Variants in CFAP20DC observed in about 807,000 individuals in gnomAD.
CFAP20DC encodes the protein protein CFAP20DC.
A neutral mutation model predicts 101.7 loss-of-function variants in CFAP20DC; 84 were observed. That is an observed-to-expected ratio of 0.83 (90% confidence interval 0.69 to 0.99). The LOEUF (loss-of-function observed/expected upper bound fraction) is 0.99, where lower values mean the gene tolerates loss of function less well. Ranked by LOEUF, CFAP20DC falls within the 50% of genes least tolerant of loss-of-function variation. The pLI is 0.00. For missense variants in CFAP20DC, 1,007 were observed against 970.3 expected (o/e 1.04, Z -0.50); for synonymous variants, 359 against 351.2 (o/e 1.02, Z -0.25).
At chr3:58,997,406 G>A (rs1039627485) in intron 4 of CFAP20DC, among the ~76,000 whole-genome samples, 6 of 152,142 alleles carry the variant, frequency 3.9e-5, no homozygotes, top group Admixed American at 2.6e-4. Context: ...TTTGAAATCT[G>A]AATCCTCATG....
At chr3:58,904,110 A>G (rs1254757313) in intron 6 of CFAP20DC, among the ~76,000 whole-genome samples, 3 of 152,124 alleles carry the variant, frequency 2.0e-5, no homozygotes, top group Non-Finnish European at 4.4e-5. Context: ...TAATCCATGC[A>G]TGTGAGATGT....
At chr3:58,898,059 T>G (rs139972945) in intron 6 of CFAP20DC, among the ~76,000 whole-genome samples, 4 of 152,340 alleles carry the variant, frequency 2.6e-5, no homozygotes, top group East Asian at 1.9e-4. Context: ...CCATATTTCT[T>G]GGAGGTTTTG....
At chr3:58,921,492 T>TA (rs1192784438) in intron 5 of CFAP20DC, among the ~76,000 whole-genome samples, 1 of 152,194 alleles carries the variant, frequency 6.6e-6, no homozygotes, top group Non-Finnish European at 1.5e-5. Context: ...AATTTTTTTT[T>TA]ACATATAGAT....
chr3:58,903,709 ACTGCAGC>A (rs1476159896), intron 6 of CFAP20DC, among the ~76,000 whole-genome samples: 1 of 152,182 alleles, frequency 6.6e-6, no homozygotes, highest in East Asian at 1.9e-4. Flanking sequence ...CATGAGGGTA[ACTGCAGC>A]CATGATTCAA....
At position 58,729,996 on chromosome 3, in the gene CFAP20DC, C is replaced by A. The variant is rs1408537452; in HGVS notation, c.198-12368G>T. Among the ~76,000 whole-genome samples, 18 of 119,900 alleles carry A rather than the reference C, an allele frequency of 1.5e-4. No homozygotes were observed. The highest frequency in any genetic ancestry group is 4.9e-4 in the African/African-American group (15 of 30,378). The allele number at this position is 119,900 out of a possible 152,430, so 78.7% of individuals were successfully genotyped here. On this transcript the variant is annotated intron_variant, in intron 3 of 3. Coordinates refer to the CFAP20DC transcript ENST00000486145. This position sits in a 1 kb window ranked among gnomAD's most constrained non-coding sequence, Gnocchi z 4.4. ...TCACGCCATTGCATTCCAGCCTGGG[C>A]AATGAGAGCGAAACCTGTCTCCAAA...
Position 59,039,552 on chromosome 3 carries a change from C to G in CFAP20DC, c.278+5G>C. 1 of 1,499,412 alleles carries G rather than the reference C, an allele frequency of 6.7e-7. No homozygotes were observed. Among genetic ancestry groups the G allele is most frequent in the South Asian group, 1.2e-5 (1 of 82,420 alleles). The allele number at this position is 1,499,412 out of a possible 1,614,324, so 92.9% of individuals were successfully genotyped here. A position where few individuals can be genotyped will look rare whatever the true frequency, so the allele number is the denominator to read the frequency against. The stretch of plus-strand genomic sequence containing the variant: ...AAACATTCAAAGAAGTTCTGTATAT[C>G]TTACAGCAATTCAGTGGAGAAGTCT... On this transcript the variant is annotated splice_donor_5th_base_variant and intron_variant, in intron 4 of 16. Coordinates refer to ENST00000482387, the MANE Select transcript of CFAP20DC (RefSeq NM_001394063.1).
intron 4 of CFAP20DC, among the ~76,000 whole-genome samples, chr3:58,980,939 T>C (rs896427419): frequency 1.8e-4 from 28 of 152,310 alleles, no homozygotes; most frequent in Non-Finnish European, 3.4e-4. Context: ...GATGACATGA[T>C]TGTATATCTA....
In CFAP20DC at chr3:58,809,058, C is replaced by T. The variant is rs986925671; in HGVS notation, c.2176-2602G>A. ...CACCCAATACAGGAGCACCCAGATT[C>T]ATAAAGCAAGTCCTGAGTGACCTAC... On this transcript the variant is annotated intron_variant, in intron 14 of 16. Transcript: ENST00000482387. Among the ~76,000 whole-genome samples the T allele has an allele frequency of 7.2e-4, 109 of 152,166 alleles. 1 individual carries two copies. The highest frequency in any genetic ancestry group is 2.5e-3 in the African/African-American group (105 of 41,502).
chr3:58,962,357 A>T (rs1213186777), intron 4 of CFAP20DC, among the ~76,000 whole-genome samples: 1 of 152,108 alleles, frequency 6.6e-6, no homozygotes, highest in East Asian at 1.9e-4. Context: ...TTTTAATTTA[A>T]TTCCTTTATG....
chr3:59,043,681 A>C (rs1358535600), intron 3 of CFAP20DC, among the ~76,000 whole-genome samples: 1 of 152,056 alleles, frequency 6.6e-6, no homozygotes, highest in Non-Finnish European at 1.5e-5. Context: ...AGCCTCCAAC[A>C]GAAAGCTCTG....
intron 4 of CFAP20DC, among the ~76,000 whole-genome samples, chr3:58,993,947 C>T (rs984295970): frequency 1.3e-5 from 2 of 152,100 alleles, no homozygotes; most frequent in Non-Finnish European, 1.5e-5. Context: ...GGTATATACC[C>T]AGTAATGGGA....
At chr3:58,810,668 A>T (rs1224578588) in intron 14 of CFAP20DC, among the ~76,000 whole-genome samples, 1 of 147,782 alleles carries the variant, frequency 6.8e-6, no homozygotes, top group Non-Finnish European at 1.5e-5. Flanking sequence ...CTCTCTCACC[A>T]CTCCTATTCA....
At chr3:58,890,382 G>T (rs2082082656) in intron 6 of CFAP20DC, among the ~76,000 whole-genome samples, 5 of 141,228 alleles carry the variant, frequency 3.5e-5, no homozygotes, top group Admixed American at 6.8e-5. Context: ...AGTAGGGGCG[G>T]CCGGGCAGAG....
intron 16 of CFAP20DC, among the ~76,000 whole-genome samples, chr3:58,748,518 C>T (rs749804462): frequency 1.3e-5 from 2 of 152,088 alleles, no homozygotes; most frequent in Non-Finnish European, 2.9e-5. Flanking sequence ...GTAATCACTT[C>T]CTGCAGAGAA....
rs1310134021 is a variant in CFAP20DC at position 58,891,422 on chromosome 3, G to GGAAAGAGA, written c.551-6714_551-6713insTCTCTTTC. On this transcript the variant is annotated intron_variant, in intron 6 of 16. Transcript: ENST00000482387. ...GACCGTGGAAAGAGAGGGAGACCGT[G>GGAAAGAGA]GGGAGAGGGAGAGGGAGAGGGAGAG... 1.3e-3 allele frequency among the ~76,000 whole-genome samples: 177 copies of GGAAAGAGA among 132,498 alleles called. 1 individual carries two copies. Among genetic ancestry groups the GGAAAGAGA allele is most frequent in the African/African-American group, 5.1e-3 (172 of 33,910 alleles). 86.9% of individuals were successfully genotyped at this position (132,498 alleles called of 152,430 possible).
At position 58,724,149 on chromosome 3, in the gene CFAP20DC, G is replaced by C. The variant is rs1471379842; in HGVS notation, c.198-6521C>G. 6.6e-6 allele frequency among the ~76,000 whole-genome samples: 1 copy of C among 152,164 alleles called. No homozygotes were observed. The highest frequency in any genetic ancestry group is 1.5e-5 in the Non-Finnish European group (1 of 68,030). ...AAGTTGGTTTGTGGGGGTCAAGCAG[G>C]TTCTTCCTTTTCCCTGCTGGGGCTG... is the stretch of plus-strand genomic sequence containing the variant. On this transcript the variant is annotated intron_variant, in intron 3 of 3. Coordinates refer to the CFAP20DC transcript ENST00000486145. The surrounding 1 kb of genome is among the most constrained non-coding windows in gnomAD (Gnocchi z 5.6).
In CFAP20DC at chr3:58,806,400, A is replaced by T. The variant is rs764390074; in HGVS notation, c.2232T>A (p.Asn744Lys). 2 of 1,592,238 alleles carry T rather than the reference A, an allele frequency of 1.3e-6. No homozygotes were observed. Among genetic ancestry groups the T allele is most frequent in the Non-Finnish European group, 1.7e-6 (2 of 1,160,550 alleles). The part of the protein sequence containing the change: ...QKEMNPPSPS[N>K]PRDWLNMLSP... Reference sequence around the variant, plus strand: ...AGATTATTAATGATTCTTACCGGGGATTAGAAGGAGAAGGTGGGTTCATTT... The same window carrying T: ...AGATTATTAATGATTCTTACCGGGGTTTAGAAGGAGAAGGTGGGTTCATTT... The change falls in exon 15 of 17, where the codon AAT becomes AAA. Residue 744 changes from asparagine (N) to lysine (K), a missense_variant. By Grantham distance (94) the Asn-to-Lys change is moderately conservative (BLOSUM62 0). Transcript: ENST00000482387.
In CFAP20DC at chr3:58,868,507, G is replaced by A. The variant is rs1292654444; in HGVS notation, c.1016-571C>T. ...TGAATCCTCACAATGACCCTTTGAGGCACCTGTTATTTATTATTAGTATTA... is the reference window on the plus strand; with the variant it reads ...TGAATCCTCACAATGACCCTTTGAGACACCTGTTATTTATTATTAGTATTA... On this transcript the variant is annotated intron_variant, in intron 9 of 16. Transcript: ENST00000482387. The surrounding 1 kb of genome is among the most constrained non-coding windows in gnomAD (Gnocchi z 4.6). Among the ~76,000 whole-genome samples the A allele has an allele frequency of 6.6e-6, 1 of 152,024 alleles. No homozygotes were observed. The highest frequency in any genetic ancestry group is 1.5e-5 in the Non-Finnish European group (1 of 67,980).
intron 16 of CFAP20DC, among the ~76,000 whole-genome samples, chr3:58,751,237 G>C (rs1480186837): frequency 6.6e-6 from 1 of 152,142 alleles, no homozygotes; most frequent in Non-Finnish European, 1.5e-5. Context: ...CAATAAACAA[G>C]TAGACAAATC....
Sources: gnomAD v4.1 joint callset for allele counts (sites outside exome capture counted in the v4.1 genomes callset) on GRCh38, gnomAD v4.1.1 for gene constraint, Gnocchi (gnomAD v3.1) non-coding constraint, MANE v1.5 for transcripts, NCBI Gene and HGNC (gene_info 2026-07-23, HGNC 2026-07-21) for gene names.